The following MARCHF1 variants were observed in gnomAD, a reference collection of about 807,000 sequenced individuals.
The protein encoded by MARCHF1 is E3 ubiquitin-protein ligase MARCHF1.
Under a neutral mutation model 54.2 loss-of-function variants are expected in MARCHF1, and 40 were observed. The ratio of observed to expected loss-of-function variants is 0.74; its 90% confidence interval spans 0.57 to 0.96. The LOEUF is 0.96. Ranked by LOEUF, MARCHF1 falls within the 40% of genes least tolerant of loss-of-function variation. MARCHF1 has a pLI of 0.00. For synonymous variants in MARCHF1, 236 were observed against 236.3 expected (o/e 1.00, Z 0.01); for missense variants, 586 against 656.5 (o/e 0.89, Z 1.17).
chr4:163,914,850 T>G (rs1210366573), intron 3 of MARCHF1, among the ~76,000 whole-genome samples: 1 of 152,208 alleles, frequency 6.6e-6, no homozygotes, highest in Non-Finnish European at 1.5e-5. Context: ...GAATGTACAC[T>G]AGGTATTATT....
chr4:163,973,638 A>G (rs1752594064), intron 3 of MARCHF1, among the ~76,000 whole-genome samples: 2 of 152,342 alleles, frequency 1.3e-5, no homozygotes, highest in Admixed American at 1.3e-4. Flanking sequence ...TAATTAACAC[A>G]CCATAGCCAC....
chr4:163,773,474 G>A (rs561705180), intron 4 of MARCHF1, among the ~76,000 whole-genome samples: 1 of 152,152 alleles, frequency 6.6e-6, no homozygotes, highest in African/African-American at 2.4e-5. Flanking sequence ...TAAGCCACAC[G>A]AAGACAGTTT....
At chr4:163,804,917 C>G (rs1460636767) in intron 4 of MARCHF1, among the ~76,000 whole-genome samples, 1 of 152,124 alleles carries the variant, frequency 6.6e-6, no homozygotes, top group Non-Finnish European at 1.5e-5. Flanking sequence ...TAAAAGACAG[C>G]TTTTGAAAAT....
At chr4:164,154,305 A>G (rs1209037347) in intron 1 of MARCHF1, among the ~76,000 whole-genome samples, 1 of 152,240 alleles carries the variant, frequency 6.6e-6, no homozygotes, top group African/African-American at 2.4e-5. Context: ...TAGATCTTTT[A>G]GAAATGGAAC....
chr4:164,129,767 C>G (rs6826253), intron 1 of MARCHF1, among the ~76,000 whole-genome samples: 38,631 of 151,792 alleles, frequency 0.25, 5,099 homozygotes, highest in Non-Finnish European at 0.29. Context: ...TGCCAGGGAA[C>G]AACATACACT....
intron 4 of MARCHF1, among the ~76,000 whole-genome samples, chr4:163,831,792 C>A (rs1343722352): frequency 6.6e-6 from 1 of 152,080 alleles, no homozygotes; most frequent in Non-Finnish European, 1.5e-5. Flanking sequence ...TTCAGCATTT[C>A]CAATGTCATT....
intron 4 of MARCHF1, among the ~76,000 whole-genome samples, chr4:163,824,000 T>C (rs75599790): frequency 0.027 from 4,039 of 151,850 alleles, 70 homozygotes; most frequent in East Asian, 0.074. Flanking sequence ...AAGTTTTTAA[T>C]TAAAAGATGG....
At chr4:164,007,297 G>A (rs1440345049) in intron 2 of MARCHF1, among the ~76,000 whole-genome samples, 1 of 129,816 alleles carries the variant, frequency 7.7e-6, no homozygotes, top group African/African-American at 3.0e-5. Context: ...AGTGAGCTGA[G>A]ATCGTGCTAC....
At chr4:163,762,630 G>A (rs1746859388) in intron 4 of MARCHF1, among the ~76,000 whole-genome samples, 1 of 151,914 alleles carries the variant, frequency 6.6e-6, no homozygotes, top group Admixed American at 6.6e-5. Context: ...TTTGACCGTT[G>A]TAAACAATGT....
In MARCHF1 at chr4:164,165,859, G is replaced by A. The variant is rs182141040; in HGVS notation, c.-322-54197C>T. 4.6e-3 allele frequency among the ~76,000 whole-genome samples: 703 copies of A among 151,878 alleles called. 4 individuals carry two copies. Among genetic ancestry groups the A allele is most frequent in the Non-Finnish European group, 7.1e-3 (479 of 67,888 alleles). ...TTCTTTCTCTTGCCTTTCCTACTCC[G>A]ATACAACAAGTAGTCAGTGGGTCAC... On this transcript the variant is annotated intron_variant, in intron 1 of 9. Coordinates refer to ENST00000514618, the MANE Select transcript of MARCHF1 (RefSeq NM_001394959.1).
rs80246843 is a variant in MARCHF1, at chr4:163,871,434, C to G, written c.-38-17265G>C. 6.0e-4 allele frequency among the ~76,000 whole-genome samples: 92 copies of G among 152,164 alleles called. 1 individual carries two copies. The East Asian group carries it at 0.014, about 24-fold the overall frequency. Reference sequence around the variant, plus strand: ...GTGTTATGCCTAATACCATCTTTACCAATATCAAAACTCTACTTACTAAGT... The same window carrying G: ...GTGTTATGCCTAATACCATCTTTACGAATATCAAAACTCTACTTACTAAGT... On this transcript the variant is annotated intron_variant, in intron 3 of 9. Coordinates refer to ENST00000514618, the MANE Select transcript of MARCHF1 (RefSeq NM_001394959.1).
intron 2 of MARCHF1, among the ~76,000 whole-genome samples, chr4:163,994,542 A>G (rs1304217340): frequency 6.6e-6 from 1 of 152,024 alleles, no homozygotes; most frequent in East Asian, 1.9e-4. Context: ...CATGTTGTGC[A>G]CATGCACCCT....
At chr4:164,068,085 G>GT in intron 2 of MARCHF1, among the ~76,000 whole-genome samples, 1 of 152,320 alleles carries the variant, frequency 6.6e-6, no homozygotes, top group Admixed American at 6.5e-5. Flanking sequence ...TGCTAGTGAC[G>GT]TTGTGGAGAA....
At chr4:164,061,870 G>A (rs886779972) in intron 2 of MARCHF1, among the ~76,000 whole-genome samples, 1 of 152,074 alleles carries the variant, frequency 6.6e-6, no homozygotes. Context: ...GATGCTGACC[G>A]TTCAGGCTAG....
At chr4:164,275,587 T>G (rs1042510183) in intron 1 of MARCHF1, among the ~76,000 whole-genome samples, 5 of 152,202 alleles carry the variant, frequency 3.3e-5, no homozygotes, top group Non-Finnish European at 7.4e-5. Context: ...GAGAAGGAGA[T>G]TAGTGGGTTG....
intron 2 of MARCHF1, among the ~76,000 whole-genome samples, chr4:164,077,955 T>C (rs906885771): frequency 1.3e-5 from 2 of 152,208 alleles, no homozygotes; most frequent in Admixed American, 6.5e-5. Context: ...AGTTCAACCA[T>C]TGTGGAAGGC....
At position 163,798,439 on chromosome 4, in the gene MARCHF1, G is replaced by A. The variant is rs150281383; in HGVS notation, c.111+55582C>T. ...AAGTCTTAGCAGAATAAGACAGAGA[G>A]CATTATCAACATAATGTCTTTTTAA... On this transcript the variant is annotated intron_variant, in intron 4 of 9. Transcript: ENST00000514618. Among the ~76,000 whole-genome samples the A allele has an allele frequency of 3.3e-5, 5 of 152,258 alleles. No individual in the cohort carries two copies. In the East Asian group the frequency reaches 7.7e-4, roughly 23 times the overall value.
intron 3 of MARCHF1, among the ~76,000 whole-genome samples, chr4:163,922,182 G>A (rs564576369): frequency 3.1e-4 from 47 of 150,642 alleles, no homozygotes; most frequent in Middle Eastern, 3.5e-3. Context: ...ACATGGATGC[G>A]GGGGGGAGCA....
chr4:164,060,152 CAATT>C (rs1306006005), intron 2 of MARCHF1, among the ~76,000 whole-genome samples: 1 of 152,022 alleles, frequency 6.6e-6, no homozygotes, highest in Non-Finnish European at 1.5e-5. Context: ...ACAATTTTAA[CAATT>C]AAGTATGGCT....
Sources: allele counts gnomAD v4.1 joint callset (sites outside exome capture counted in the v4.1 genomes callset), GRCh38; gene constraint gnomAD v4.1.1; transcripts MANE v1.5; gene names NCBI Gene and HGNC (gene_info 2026-07-23, HGNC 2026-07-21).